The following CEP250 variants were observed in gnomAD, a reference collection of about 807,000 sequenced individuals.
CEP250 encodes centrosome-associated protein CEP250.
A neutral mutation model predicts 315.7 loss-of-function variants in CEP250; 242 were observed. That is an observed-to-expected ratio of 0.77 (90% confidence interval 0.69 to 0.85). The LOEUF is 0.85. Among genes scored for constraint, CEP250 ranks in the 40% least tolerant of loss-of-function variants. The pLI is 0.00. For synonymous variants in CEP250, 1,088 were observed against 1,175.0 expected, an observed-to-expected ratio of 0.93 and a Z score of 1.51; for missense variants, 2,515 against 2,886.4, an observed-to-expected ratio of 0.87 and a Z score of 2.95.
In CEP250 at chr20:35,502,573, G is replaced by T; in HGVS notation, c.4204G>T (p.Ala1402Ser). 6.2e-7 allele frequency: 1 copy of T among 1,614,238 alleles called. No individual in the cohort carries two copies. The highest frequency in any genetic ancestry group is 8.5e-7 in the Non-Finnish European group (1 of 1,180,040). The change falls in exon 30 of 35, where the codon GCC becomes TCC. Residue 1402 changes from alanine (A) to serine (S), a missense_variant. Transcript: ENST00000397527. ...NEEVESERER[A>S]QALQEQGELK... is the part of the protein sequence containing the mutation. ...GGAAGTAGAGAGTGAGCGTGAGAGA[G>T]CCCAGGCTCTGCAAGAGCAGGGCGA...
chr20:35,465,513 C>T (rs550711295), intron 5 of CEP250, among the ~76,000 whole-genome samples: 9 of 151,756 alleles, frequency 5.9e-5, no homozygotes, highest in African/African-American at 1.9e-4. Flanking sequence ...GTGAAAGATA[C>T]ATCACTTCTT....
At chr20:35,458,686 A>G (rs1207741136) in intron 2 of CEP250, among the ~76,000 whole-genome samples, 1 of 152,184 alleles carries the variant, frequency 6.6e-6, no homozygotes, top group East Asian at 1.9e-4. Context: ...GTGTGTTTGT[A>G]AAAGGATGCT....
intron 20 of CEP250, among the ~76,000 whole-genome samples, chr20:35,482,491 G>A (rs1306953558): frequency 3.3e-5 from 5 of 151,808 alleles, no homozygotes; most frequent in South Asian, 4.2e-4. Context: ...CACCCGCCTC[G>A]GCCTCCCAAA....
rs369235134 is a variant in CEP250 at position 35,472,103 on chromosome 20, G to T, written c.1002G>T (p.Ala334=). Residue 334 remains alanine, a synonymous_variant, in exon 11 of 35, where the codon GCG becomes GCT. Coordinates refer to ENST00000397527, the MANE Select transcript of CEP250 (RefSeq NM_007186.6). ...ATGAAGCATCTCTTAGTAGGAATGC[G>T]CAAGAGGAGAAGTTGTCTTTACAGC... is the stretch of plus-strand genomic sequence containing the variant. The part of the protein sequence containing the change: ...MEHEASLSRN[A]QEEKLSLQQV... 1.9e-6 allele frequency: 3 copies of T among 1,613,488 alleles called. No homozygotes were observed. The highest frequency in any genetic ancestry group is 2.5e-6 in the Non-Finnish European group (3 of 1,179,410).
chr20:35,514,623 G>A lies in CEP250; in HGVS notation c.*2997G>A, dbSNP rs1398204055. On this transcript the variant is annotated 3_prime_UTR_variant, in exon 35 of 35. Coordinates refer to ENST00000397527, the MANE Select transcript of CEP250 (RefSeq NM_007186.6). ...TCCCACATGGGACTGCCAGCACCCT[G>A]AAGGCAGAAAAACTGAATGTACCCG... 6.6e-6 allele frequency: 1 copy of A among 152,454 alleles called. No individual in the cohort carries two copies. Among genetic ancestry groups the A allele is most frequent in the East Asian group, 1.9e-4 (1 of 5,196 alleles). The allele number at this position is 152,454 out of a possible 1,614,324, so 9.4% of individuals were successfully genotyped here. A position where few individuals can be genotyped will look rare whatever the true frequency, so the allele number is the denominator to read the frequency against.
At chr20:35,489,718 C>G (rs2063629137) in intron 20 of CEP250, among the ~76,000 whole-genome samples, 1 of 152,300 alleles carries the variant, frequency 6.6e-6, no homozygotes, top group East Asian at 1.9e-4. Context: ...GCACCCCTAT[C>G]CTAATGCTCT....
At position 35,502,864 on chromosome 20, in the gene CEP250, C is replaced by A; in HGVS notation, c.4495C>A (p.Arg1499=). The A allele has an allele frequency of 6.2e-7, 1 of 1,614,164 alleles. No homozygotes were observed. ...GCATCTGCCCATGGCCGTCCAGGAG[C>A]GAGAGCAGAAGCTGACTGTGCAGAG... ...LEHLPMAVQE[R]EQKLTVQREQ... is the part of the protein sequence containing the mutation. The change falls in exon 30 of 35, where the codon CGA becomes AGA. Residue 1499 remains arginine (R), a synonymous_variant. Coordinates refer to ENST00000397527, the MANE Select transcript of CEP250 (RefSeq NM_007186.6).
Position 35,514,954 on chromosome 20 carries a change from A to G in CEP250, c.*3328A>G, listed in dbSNP as rs966627921. 1 of 152,214 alleles carries G rather than the reference A, an allele frequency of 6.6e-6. No homozygotes were observed. The highest frequency in any genetic ancestry group is 1.5e-5 in the Non-Finnish European group (1 of 68,062). The allele number at this position is 152,214 out of a possible 1,614,324, so 9.4% of individuals were successfully genotyped here. A position where few individuals can be genotyped will look rare whatever the true frequency, so the allele number is the denominator to read the frequency against. On this transcript the variant is annotated 3_prime_UTR_variant, in exon 35 of 35. Transcript: ENST00000397527. ...TAAAGCCCAGAATAGGCCCTGTTTTATTCTACAGAGATAGGAAGGCACTGG... is the reference window on the plus strand; with the variant it reads ...TAAAGCCCAGAATAGGCCCTGTTTTGTTCTACAGAGATAGGAAGGCACTGG...
In CEP250 at chr20:35,504,911, C is replaced by T. The variant is rs139681236; in HGVS notation, c.6542C>T (p.Ala2181Val). 9.3e-6 allele frequency: 15 copies of T among 1,614,060 alleles called. No individual in the cohort carries two copies. The highest frequency in any genetic ancestry group is 2.2e-5 in the East Asian group (1 of 44,882). ...EKAQDLALSL[A>V]QTKASVSSLQ... The stretch of plus-strand genomic sequence containing the variant: ...GCCCAGGACTTGGCACTCTCCCTAG[C>T]GCAGACCAAGGCCAGTGTCAGCAGT... The change falls in exon 30 of 35, where the codon GCG (alanine) becomes GTG (valine). Residue 2181 changes from alanine to valine, a missense_variant. Ala to Val is a moderately conservative substitution (Grantham distance 64). Coordinates refer to ENST00000397527, the MANE Select transcript of CEP250 (RefSeq NM_007186.6).
At position 35,503,070 on chromosome 20, in the gene CEP250, C is replaced by A; in HGVS notation, c.4701C>A (p.His1567Gln). Residue 1567 changes from histidine (H) to glutamine (Q), a missense_variant, in exon 30 of 35, where the codon CAC becomes CAA. By Grantham distance (24) the His-to-Gln change is conservative (BLOSUM62 0). Coordinates refer to ENST00000397527, the MANE Select transcript of CEP250 (RefSeq NM_007186.6). This position sits in a 1 kb window ranked among gnomAD's most constrained non-coding sequence, Gnocchi z 4.2. The stretch of plus-strand genomic sequence containing the variant: ...CCCTGGAACTGGAGGAAAACCATCA[C>A]AAGATGGAGTGCCAGCAAAAACTGA... The part of the protein sequence containing the change: ...CLALELEENH[H>Q]KMECQQKLIK... The A allele has an allele frequency of 6.2e-7, 1 of 1,614,156 alleles. No individual in the cohort carries two copies. Among genetic ancestry groups the A allele is most frequent in the Non-Finnish European group, 8.5e-7 (1 of 1,180,034 alleles).
In CEP250 at chr20:35,477,876, G is replaced by A. The variant is rs1053814848; in HGVS notation, c.1869G>A (p.Glu623=). Residue 623 remains glutamate (E), a synonymous_variant, in exon 17 of 35, where the codon GAG becomes GAA. Transcript: ENST00000397527. ...VGLNQQLLQL[E]EENQSVCSRM... ...CTTCCCTTTTTGGCCAGTAGTTAGA[G>A]GAGGAGAACCAGTCTGTGTGCAGCA... The A allele has an allele frequency of 3.2e-6, 5 of 1,580,318 alleles. No individual in the cohort carries two copies. Among genetic ancestry groups the A allele is most frequent in the Non-Finnish European group, 2.6e-6 (3 of 1,162,862 alleles).
At position 35,476,585 on chromosome 20, in the gene CEP250, A is replaced by G. The variant is rs2063180709; in HGVS notation, c.1853A>G (p.Gln618Arg). Residue 618 changes from glutamine to arginine, a missense_variant, in exon 16 of 35, where the codon CAG becomes CGG. Physicochemically the swap from Gln to Arg is conservative, Grantham distance 43 (BLOSUM62 1). Transcript: ENST00000397527. ...LALDKVGLNQ[Q>R]LLQLEEENQS... ...TTAGATAAAGTTGGGCTGAACCAGC[A>G]GCTTCTCCAGGTGAGCAAAGATTTT... 3 of 1,612,528 alleles carry G rather than the reference A, an allele frequency of 1.9e-6. No individual in the cohort carries two copies. Among genetic ancestry groups the G allele is most frequent in the African/African-American group, 2.7e-5 (2 of 74,918 alleles).
intron 16 of CEP250, among the ~76,000 whole-genome samples, chr20:35,476,939 C>A (rs1240349564): frequency 1.3e-5 from 2 of 152,146 alleles, no homozygotes; most frequent in African/African-American, 4.8e-5. Context: ...GTTTTCATCT[C>A]CTGGGTTCAA....
At position 35,513,288 on chromosome 20, in the gene CEP250, C is replaced by G. The variant is rs2064394751; in HGVS notation, c.*1662C>G. 1 of 149,566 alleles carries G rather than the reference C, an allele frequency of 6.7e-6. No individual in the cohort carries two copies. Among genetic ancestry groups the G allele is most frequent in the African/African-American group, 2.5e-5 (1 of 40,356 alleles). 9.3% of individuals were successfully genotyped at this position (149,566 alleles called of 1,614,324 possible). A position where few individuals can be genotyped will look rare whatever the true frequency, so the allele number is the denominator to read the frequency against. On this transcript the variant is annotated 3_prime_UTR_variant, in exon 35 of 35. Transcript: ENST00000397527. ...TTTTTTTTTGAGACAGAGTTTTGCT[C>G]TTGTTGCCCAGGCTGGAGTGCAGTG...
In CEP250 at chr20:35,498,471, G is replaced by A; in HGVS notation, c.3656-124G>A. ...GGAGAAAATATGTGATGAGTGAACT[G>A]CTGAGAAAGGGGTTCTTTGCGGAGA... On this transcript the variant is annotated intron_variant, in intron 26 of 34. Coordinates refer to ENST00000397527, the MANE Select transcript of CEP250 (RefSeq NM_007186.6). 3 of 1,187,514 alleles carry A rather than the reference G, an allele frequency of 2.5e-6. No individual in the cohort carries two copies. The South Asian group carries it at 4.1e-5, about 16-fold the overall frequency. The allele number at this position is 1,187,514 out of a possible 1,614,324, so 73.6% of individuals were successfully genotyped here.
chr20:35,465,661 T>G, intron 5 of CEP250, 82 bp from the exon 6 acceptor site: 1 of 916,284 alleles, frequency 1.1e-6, no homozygotes. Context: ...GAAAGTGGAC[T>G]GCCATGGAAG....
chr20:35,456,497 A>G (rs754721030), intron 1 of CEP250, among the ~76,000 whole-genome samples: 2 of 152,194 alleles, frequency 1.3e-5, no homozygotes, highest in Non-Finnish European at 2.9e-5. Context: ...TCCCAGATTT[A>G]TAGAGGTCAC....
At position 35,475,486 on chromosome 20, in the gene CEP250, C is replaced by T. The variant is rs756179766; in HGVS notation, c.1572-16C>T. On this transcript the variant is annotated splice_polypyrimidine_tract_variant and intron_variant, in intron 14 of 34. Transcript: ENST00000397527. ...TCCCTAAGAGTTCCTCTAGACCCCT[C>T]TCTTTCCCATCTTAGTCAGGAGATG... The T allele has an allele frequency of 6.2e-7, 1 of 1,613,668 alleles. No homozygotes were observed.
rs893760646 is a variant in CEP250, at chr20:35,514,463, C to G, written c.*2837C>G. On this transcript the variant is annotated 3_prime_UTR_variant, in exon 35 of 35. Coordinates refer to ENST00000397527, the MANE Select transcript of CEP250 (RefSeq NM_007186.6). ...AGGAGGGGACAAGAGTCGTCAGAGG[C>G]TGGGCAATGTTCTTGTTTCCGGGGA... 6.6e-6 allele frequency: 1 copy of G among 152,436 alleles called. No homozygotes were observed. Among genetic ancestry groups the G allele is most frequent in the Non-Finnish European group, 1.5e-5 (1 of 68,202 alleles). 9.4% of individuals were successfully genotyped at this position (152,436 alleles called of 1,614,324 possible).
Sources: gnomAD v4.1 joint callset for allele counts (sites outside exome capture counted in the v4.1 genomes callset) on GRCh38, gnomAD v4.1.1 for gene constraint, Gnocchi (gnomAD v3.1) non-coding constraint, MANE v1.5 for transcripts, NCBI Gene and HGNC (gene_info 2026-07-23, HGNC 2026-07-21) for gene names.